Variants in SEMA5A observed in about 807,000 individuals in gnomAD.
SEMA5A encodes the protein semaphorin-5A.
A neutral mutation model predicts 135.5 loss-of-function variants in SEMA5A; 55 were observed. The ratio of observed to expected loss-of-function variants is 0.41; its 90% CI spans 0.33 to 0.51. SEMA5A has a LOEUF of 0.51. Among genes scored for constraint, SEMA5A ranks in the 20% least tolerant of loss-of-function variants. The pLI, the probability that SEMA5A is intolerant of heterozygous loss-of-function variation, is 0.37. For synonymous variants in SEMA5A, 580 were observed against 546.5 expected (o/e 1.06, Z -0.85); for missense variants, 1,290 against 1,419.9 (o/e 0.91, Z 1.47).
At chr5:9,473,820 C>T (rs1428899774) in intron 1 of SEMA5A, among the ~76,000 whole-genome samples, 1 of 152,130 alleles carries the variant, frequency 6.6e-6, no homozygotes, top group Non-Finnish European at 1.5e-5. Context: ...TATCCAAGTG[C>T]TGCAGAAGCC....
chr5:9,118,722 C>A (rs1740648295), intron 15 of SEMA5A, among the ~76,000 whole-genome samples: 1 of 152,162 alleles, frequency 6.6e-6, no homozygotes, highest in Admixed American at 6.5e-5. Flanking sequence ...AGGAGCCTAG[C>A]ACAGCACAGA....
chr5:9,057,319 A>T (rs575040633), intron 18 of SEMA5A, among the ~76,000 whole-genome samples: 5 of 152,372 alleles, frequency 3.3e-5, no homozygotes, highest in African/African-American at 9.6e-5. Context: ...AAAAACAGAG[A>T]CTAAATGTGC....
chr5:9,140,643 C>A (rs374870458), intron 12 of SEMA5A, among the ~76,000 whole-genome samples: 1 of 152,228 alleles, frequency 6.6e-6, no homozygotes, highest in East Asian at 1.9e-4. Flanking sequence ...TTTATATTTG[C>A]GGCTCCTATG....
intron 1 of SEMA5A, among the ~76,000 whole-genome samples, chr5:9,507,434 G>A (rs1735953234): frequency 6.6e-6 from 1 of 152,052 alleles, no homozygotes; most frequent in African/African-American, 2.4e-5. Flanking sequence ...CCTTCTTCAG[G>A]AATAAATTGA....
intron 16 of SEMA5A, among the ~76,000 whole-genome samples, chr5:9,105,459 G>C (rs1739861412): frequency 6.6e-6 from 1 of 152,082 alleles, no homozygotes; most frequent in Non-Finnish European, 1.5e-5. Context: ...AGGAAATTGA[G>C]GTTTTTATAC....
At chr5:9,404,051 C>T (rs1756778552) in intron 2 of SEMA5A, among the ~76,000 whole-genome samples, 1 of 152,206 alleles carries the variant, frequency 6.6e-6, no homozygotes, top group Non-Finnish European at 1.5e-5. Flanking sequence ...TCTCCCGCCT[C>T]AGTCTCCCCA....
intron 10 of SEMA5A, among the ~76,000 whole-genome samples, chr5:9,193,952 C>T (rs1171829245): frequency 6.6e-6 from 1 of 152,176 alleles, no homozygotes; most frequent in Non-Finnish European, 1.5e-5. Context: ...TCCTGATGGA[C>T]AGGATCAGAT....
At chr5:9,298,461 T>C (rs149171756) in intron 5 of SEMA5A, among the ~76,000 whole-genome samples, 1 of 152,350 alleles carries the variant, frequency 6.6e-6, no homozygotes, top group East Asian at 1.9e-4. Flanking sequence ...TTAAGCCACC[T>C]AGCTTTTGTT....
At chr5:9,197,963 T>C (rs1745509869) in intron 9 of SEMA5A, among the ~76,000 whole-genome samples, 1 of 152,114 alleles carries the variant, frequency 6.6e-6, no homozygotes, top group Non-Finnish European at 1.5e-5. Context: ...GAAGCCATAA[T>C]TTAGAATTCA....
chr5:9,390,260 A>T (rs75161838), intron 2 of SEMA5A, among the ~76,000 whole-genome samples: 13,580 of 152,228 alleles, frequency 0.089, 662 homozygotes, highest in African/African-American at 0.1. Flanking sequence ...AGACAGACTT[A>T]AAAAAAGGGG....
intron 13 of SEMA5A, among the ~76,000 whole-genome samples, chr5:9,128,975 C>G (rs1374203271): frequency 6.6e-6 from 1 of 152,200 alleles, no homozygotes; most frequent in Non-Finnish European, 1.5e-5. Flanking sequence ...GCTAAATGAC[C>G]TTGGGGGCAA....
At chr5:9,162,372 TCAAA>T (rs1329914627) in intron 11 of SEMA5A, among the ~76,000 whole-genome samples, 1 of 138,112 alleles carries the variant, frequency 7.2e-6, no homozygotes, top group Non-Finnish European at 1.5e-5. Context: ...AGCATGATGT[TCAAA>T]CAAACATGTG....
intron 16 of SEMA5A, among the ~76,000 whole-genome samples, chr5:9,095,560 T>C (rs1039478158): frequency 1.3e-5 from 2 of 152,212 alleles, no homozygotes; most frequent in Non-Finnish European, 2.9e-5. Context: ...ATAGTCAATG[T>C]TTTGAAATAA....
rs951809868 is a variant in SEMA5A, at chr5:9,039,903, A to T, written c.*2994T>A. The stretch of plus-strand genomic sequence containing the variant: ...CTGTAAACTGTCAGTGCACTGTAAA[A>T]TCAATAGTAGATGGTGATGAGTCTG... On this transcript the variant is annotated 3_prime_UTR_variant, in exon 23 of 23. Transcript: ENST00000382496. 6.6e-6 allele frequency: 1 copy of T among 152,256 alleles called. No individual in the cohort carries two copies. Among genetic ancestry groups the T allele is most frequent in the Non-Finnish European group, 1.5e-5 (1 of 68,074 alleles). 9.4% of individuals were successfully genotyped at this position (152,256 alleles called of 1,614,324 possible). A position where few individuals can be genotyped will look rare whatever the true frequency, so the allele number is the denominator to read the frequency against.
At chr5:9,408,932 T>C (rs1757002704) in intron 2 of SEMA5A, among the ~76,000 whole-genome samples, 1 of 152,168 alleles carries the variant, frequency 6.6e-6, no homozygotes, top group Non-Finnish European at 1.5e-5. Flanking sequence ...CTCCCTCTCC[T>C]CTGAGAGCAC....
At chr5:9,527,946 A>G (rs760238515) in intron 1 of SEMA5A, among the ~76,000 whole-genome samples, 19 of 152,208 alleles carry the variant, frequency 1.2e-4, no homozygotes, top group Non-Finnish European at 2.1e-4. Context: ...CCTGCAACTA[A>G]TCTTCTTCAT....
At chr5:9,534,280 T>C (rs3756737) in intron 1 of SEMA5A, among the ~76,000 whole-genome samples, 52,372 of 152,070 alleles carry the variant, frequency 0.34, 9,641 homozygotes, top group Admixed American at 0.45. Context: ...GTCAAGATGC[T>C]TATTCTCCCC....
chr5:9,373,670 C>A (rs1755237018), intron 3 of SEMA5A, among the ~76,000 whole-genome samples: 1 of 152,188 alleles, frequency 6.6e-6, no homozygotes, highest in Non-Finnish European at 1.5e-5. Context: ...TAGGGCCCTG[C>A]CTGATTCTGC....
intron 11 of SEMA5A, among the ~76,000 whole-genome samples, chr5:9,162,589 C>CATATATATAT (rs1453805492): frequency 8.7e-4 from 87 of 100,064 alleles, no homozygotes; most frequent in African/African-American, 2.8e-3. Context: ...TATATATACA[C>CATATATATAT]ACACACACAC....
Sources: gnomAD v4.1 joint callset for allele counts (sites outside exome capture counted in the v4.1 genomes callset) on GRCh38, gnomAD v4.1.1 for gene constraint, MANE v1.5 for transcripts, NCBI Gene and HGNC (gene_info 2026-07-23, HGNC 2026-07-21) for gene names.